The following DISC1 variants were observed in gnomAD, a reference collection of about 807,000 sequenced individuals.
DISC1 encodes disrupted in schizophrenia 1 protein.
A neutral mutation model predicts 84.5 loss-of-function variants in DISC1; 57 were observed. The observed-to-expected ratio is 0.67, with a 90% CI of 0.55 to 0.84. The LOEUF is 0.84. DISC1 is among the 40% of genes least tolerant of loss of function. DISC1 has a pLI of 0.00. For synonymous variants in DISC1, 411 were observed against 415.2 expected (o/e 0.99, Z 0.12); for missense variants, 1,000 against 1,057.8 (o/e 0.95, Z 0.76).
intron 11 of DISC1, among the ~76,000 whole-genome samples, chr1:232,023,401 G>A (rs1032039074): frequency 3.9e-5 from 6 of 152,044 alleles, no homozygotes; most frequent in African/African-American, 1.4e-4. Context: ...TTTGATATAT[G>A]TGATAGGCAT....
At chr1:231,704,788 A>G (rs1227932571) in intron 3 of DISC1, among the ~76,000 whole-genome samples, 1 of 144,174 alleles carries the variant, frequency 6.9e-6, no homozygotes, top group Non-Finnish European at 1.5e-5. Context: ...AAAAAAAAGC[A>G]GATTCTGATT....
chr1:231,682,206 G>A (rs1344935855), intron 1 of DISC1, among the ~76,000 whole-genome samples: 4 of 152,148 alleles, frequency 2.6e-5, no homozygotes, highest in African/African-American at 9.7e-5. Flanking sequence ...TGGGTGTGGT[G>A]TCGACTCCTA....
chr1:231,713,945 A>G (rs2068312735), intron 3 of DISC1, among the ~76,000 whole-genome samples: 1 of 151,100 alleles, frequency 6.6e-6, no homozygotes, highest in Non-Finnish European at 1.5e-5. Context: ...AGGCATCATA[A>G]TGGAAGGGAA....
intron 10 of DISC1, among the ~76,000 whole-genome samples, chr1:231,971,027 T>C (rs978087528): frequency 1.1e-4 from 16 of 152,248 alleles, no homozygotes; most frequent in African/African-American, 3.9e-4. Flanking sequence ...TCCCCAGATA[T>C]GTCAATGTGC....
At chr1:231,863,015 GC>G (rs893741900) in intron 9 of DISC1, among the ~76,000 whole-genome samples, 20 of 152,100 alleles carry the variant, frequency 1.3e-4, no homozygotes, top group African/African-American at 4.3e-4. Flanking sequence ...GACTTATATG[GC>G]TTTTGTATAA....
At chr1:231,896,361 A>G (rs936516891) in intron 9 of DISC1, among the ~76,000 whole-genome samples, 4 of 152,192 alleles carry the variant, frequency 2.6e-5, no homozygotes, top group African/African-American at 9.6e-5. Context: ...CTGTCTCTTC[A>G]TAGAGGTCAG....
chr1:231,639,863 G>A lies in DISC1; in HGVS notation c.67+12929G>A, dbSNP rs181654811. On this transcript the variant is annotated intron_variant, in intron 1 of 12. Coordinates refer to ENST00000439617, the MANE Select transcript of DISC1 (RefSeq NM_018662.3). The stretch of plus-strand genomic sequence containing the variant: ...GGCTTCATTGCTTGTCCAGTGATCT[G>A]TGGCTCCCTCCTGTCCTAATCCAGG... Among the ~76,000 whole-genome samples the A allele has an allele frequency of 2.2e-3, 332 of 152,296 alleles. 2 individuals are homozygous for A. Among genetic ancestry groups the A allele is most frequent in the African/African-American group, 7.6e-3 (316 of 41,566 alleles).
Position 231,628,650 on chromosome 1 carries a change from G to C in DISC1, c.67+1716G>C, listed in dbSNP as rs1307925395. Among the ~76,000 whole-genome samples, 4 of 152,308 alleles carry C rather than the reference G, an allele frequency of 2.6e-5. No homozygotes were observed. In the East Asian group the frequency reaches 7.7e-4, roughly 29 times the overall value. ...AAGCCAGGATTAGAACCCTGGTGTG[G>C]GTGCCACTCACAACTGTGTTCTTGG... is the stretch of plus-strand genomic sequence containing the variant. On this transcript the variant is annotated intron_variant, in intron 1 of 12. Coordinates refer to ENST00000439617, the MANE Select transcript of DISC1 (RefSeq NM_018662.3).
At chr1:231,654,399 C>T (rs1284781408) in intron 1 of DISC1, among the ~76,000 whole-genome samples, 12 of 151,850 alleles carry the variant, frequency 7.9e-5, no homozygotes, top group Non-Finnish European at 1.5e-5. Context: ...TATATTTATT[C>T]ACTATGAAAT....
intron 9 of DISC1, among the ~76,000 whole-genome samples, chr1:231,884,723 A>C (rs2086559273): frequency 6.6e-6 from 1 of 151,982 alleles, no homozygotes; most frequent in Non-Finnish European, 1.5e-5. Flanking sequence ...AATAACCTCT[A>C]CACCAAACCT....
intron 5 of DISC1, 87 bp from the exon 6 acceptor site, chr1:231,770,748 A>G (rs1205875155): frequency 1.9e-6 from 3 of 1,554,466 alleles, no homozygotes; most frequent in Admixed American, 2.0e-5. Flanking sequence ...CATATGGCCA[A>G]TTCTCATTTA....
rs558481330 is a variant in DISC1 at position 231,692,091 on chromosome 1, A to G, written c.68-1735A>G. On this transcript the variant is annotated intron_variant, in intron 1 of 12. Coordinates refer to ENST00000439617, the MANE Select transcript of DISC1 (RefSeq NM_018662.3). Reference sequence around the variant, plus strand: ...TTGGAACGAGACAAGCCTCAGTTCAAATCCGGGCTTTGGGAAACCATGATC... The same window carrying G: ...TTGGAACGAGACAAGCCTCAGTTCAGATCCGGGCTTTGGGAAACCATGATC... Among the ~76,000 whole-genome samples, 32 of 152,346 alleles carry G rather than the reference A, an allele frequency of 2.1e-4. 1 individual carries two copies. The South Asian group carries it at 6.4e-3, about 31-fold the overall frequency.
intron 9 of DISC1, among the ~76,000 whole-genome samples, chr1:231,895,716 G>A (rs1442918819): frequency 2.6e-5 from 4 of 151,198 alleles, no homozygotes; most frequent in Middle Eastern, 3.4e-3. Context: ...ATCTTTCCCC[G>A]TTTTGGAATC....
chr1:231,684,354 A>G (rs2064004729), intron 1 of DISC1, among the ~76,000 whole-genome samples: 1 of 152,150 alleles, frequency 6.6e-6, no homozygotes, highest in Admixed American at 6.6e-5. Context: ...GTATTTATAT[A>G]TAATTATGTG....
chr1:232,005,964 T>G (rs1223422190), intron 10 of DISC1, among the ~76,000 whole-genome samples: 2 of 152,150 alleles, frequency 1.3e-5, no homozygotes, highest in Non-Finnish European at 2.9e-5. Context: ...CAAAATTTTG[T>G]CAACATTGAA....
At chr1:231,767,449 C>A (rs1326693691) in intron 5 of DISC1, among the ~76,000 whole-genome samples, 180 bp downstream of exon 5, 2 of 152,158 alleles carry the variant, frequency 1.3e-5, no homozygotes, top group African/African-American at 4.8e-5. Context: ...GGTGTGAACC[C>A]CATGCCTGGC....
At chr1:231,715,846 G>C (rs887800958) in intron 3 of DISC1, among the ~76,000 whole-genome samples, 1 of 152,130 alleles carries the variant, frequency 6.6e-6, no homozygotes, top group Non-Finnish European at 1.5e-5. Flanking sequence ...ACAAAGAGCC[G>C]TGAAATGTTT....
At chr1:231,714,456 A>T (rs1445314696) in intron 3 of DISC1, among the ~76,000 whole-genome samples, 4 of 152,212 alleles carry the variant, frequency 2.6e-5, no homozygotes, top group African/African-American at 4.8e-5. Context: ...AAACTGTGCA[A>T]TGATTATGGA....
At chr1:231,866,788 C>T (rs2125937795) in intron 9 of DISC1, 2 of 1,148,568 alleles carry the variant, frequency 1.7e-6, no homozygotes, top group Middle Eastern at 3.2e-4. Context: ...TATAATTAAT[C>T]TGTAATTAAA....
Sources: allele counts gnomAD v4.1 joint callset (sites outside exome capture counted in the v4.1 genomes callset), GRCh38; gene constraint gnomAD v4.1.1; transcripts MANE v1.5; gene names NCBI Gene and HGNC (gene_info 2026-07-23, HGNC 2026-07-21).